The following TAPT1 variants were observed in gnomAD, a reference collection of about 807,000 sequenced individuals.
The protein encoded by TAPT1 is transmembrane anterior posterior transformation protein 1 homolog.
Under a neutral mutation model 65.6 loss-of-function variants are expected in TAPT1, and 28 were observed. That is an observed-to-expected ratio of 0.43 (90% confidence interval 0.32 to 0.59). The LOEUF (loss-of-function observed/expected upper bound fraction) is 0.59, where lower values mean the gene tolerates loss of function less well. TAPT1 is among the 20% of genes least tolerant of loss of function. The pLI is 0.09. For synonymous variants in TAPT1, 278 were observed against 245.2 expected (o/e 1.13, Z -1.25); for missense variants, 563 against 679.9 (o/e 0.83, Z 1.91).
chr4:16,206,514 G>C (rs1750354310), intron 2 of TAPT1, among the ~76,000 whole-genome samples: 1 of 152,026 alleles, frequency 6.6e-6, no homozygotes, highest in East Asian at 1.9e-4. Context: ...AGGGTCCCAG[G>C]GCAAGACTGA....
chr4:16,219,784 A>G (rs1393457327), intron 1 of TAPT1, among the ~76,000 whole-genome samples: 2 of 152,190 alleles, frequency 1.3e-5, no homozygotes, highest in East Asian at 3.8e-4. Flanking sequence ...CCATTTTCAT[A>G]TTATGAAAAA....
chr4:16,223,982 T>C (rs1382264400), intron 1 of TAPT1, among the ~76,000 whole-genome samples: 2 of 152,060 alleles, frequency 1.3e-5, no homozygotes, highest in Non-Finnish European at 2.9e-5. Flanking sequence ...ACCAAGACAC[T>C]AAGATTATGA....
intron 1 of TAPT1, among the ~76,000 whole-genome samples, chr4:16,224,615 C>CA (rs1751443068): frequency 6.6e-6 from 1 of 152,142 alleles, no homozygotes; most frequent in African/African-American, 2.4e-5. Context: ...GGGGAAAGAA[C>CA]AAGGACTACC....
At chr4:16,173,924 T>C (rs1054137601) in intron 11 of TAPT1, among the ~76,000 whole-genome samples, 1 of 152,218 alleles carries the variant, frequency 6.6e-6, no homozygotes, top group Non-Finnish European at 1.5e-5. Flanking sequence ...CATTAAAAAA[T>C]GTTTTTTACT....
intron 7 of TAPT1, 145 bp from the exon 8 acceptor site, chr4:16,179,802 ATGTGTG>A (rs56086979): frequency 7.3e-4 from 226 of 309,646 alleles, no homozygotes; most frequent in Middle Eastern, 1.8e-3. Flanking sequence ...ATATATATAT[ATGTGTG>A]TGTGTGTGTG....
chr4:16,215,414 C>T (rs576967344), intron 1 of TAPT1, among the ~76,000 whole-genome samples: 113 of 152,234 alleles, frequency 7.4e-4, no homozygotes, highest in Non-Finnish European at 1.1e-3. Flanking sequence ...AGCATTAAAA[C>T]GGATTCCTGG....
intron 7 of TAPT1, among the ~76,000 whole-genome samples, chr4:16,181,759 G>C (rs1748725090): frequency 6.6e-6 from 1 of 152,112 alleles, no homozygotes; most frequent in Admixed American, 6.5e-5. Flanking sequence ...GCAGAGACAG[G>C]GTTTCACCAT....
At chr4:16,170,567 G>A in intron 12 of TAPT1, 86 bp downstream of exon 12, 1 of 923,420 alleles carries the variant, frequency 1.1e-6, no homozygotes, top group Non-Finnish European at 1.7e-6. Context: ...ACTGGGAGTA[G>A]TATGATTGGG....
intron 5 of TAPT1, among the ~76,000 whole-genome samples, 187 bp from the exon 6 acceptor site, chr4:16,187,065 C>T (rs190153687): frequency 1.3e-5 from 2 of 152,286 alleles, no homozygotes; most frequent in East Asian, 3.9e-4. Flanking sequence ...GTGCAATCCA[C>T]ATGAAACGAA....
intron 1 of TAPT1, chr4:16,216,043 G>C (rs1275646728): frequency 2.0e-5 from 3 of 152,146 alleles, no homozygotes; most frequent in Admixed American, 6.5e-5. Context: ...AGAAAGCAGA[G>C]GAGATTCCAC....
chr4:16,182,929 A>G (rs1030700894), intron 7 of TAPT1: 1 of 152,234 alleles, frequency 6.6e-6, no homozygotes, highest in Non-Finnish European at 1.5e-5. Context: ...GAAGTCTTCT[A>G]TATTAAACCA....
At chr4:16,211,057 C>A (rs1374141969) in intron 2 of TAPT1, among the ~76,000 whole-genome samples, 1 of 149,850 alleles carries the variant, frequency 6.7e-6, no homozygotes. Flanking sequence ...TTTTTTTTCA[C>A]ATTAGTAAAC....
At chr4:16,176,049 T>G in intron 9 of TAPT1, 70 bp downstream of exon 9, 7 of 728,896 alleles carry the variant, frequency 9.6e-6, no homozygotes, top group African/African-American at 1.8e-5. Context: ...ACTCCTATTA[T>G]TCTACAACTT....
At chr4:16,197,746 C>G (rs897226400) in intron 3 of TAPT1, among the ~76,000 whole-genome samples, 4 of 152,122 alleles carry the variant, frequency 2.6e-5, no homozygotes, top group Non-Finnish European at 5.9e-5. Context: ...TATCCTCGTT[C>G]AAGAAGTTTC....
In TAPT1 at chr4:16,188,425, T is replaced by C. The variant is rs549269401; in HGVS notation, c.613-70A>G. On this transcript the variant is annotated intron_variant, in intron 4 of 13. Coordinates refer to ENST00000405303, the MANE Select transcript of TAPT1 (RefSeq NM_153365.3). Reference sequence around the variant, plus strand: ...TAAATATATAACTAAAATTGAGATATAGCTCAAATCCTGGAGATCTGTGTT... The same window carrying C: ...TAAATATATAACTAAAATTGAGATACAGCTCAAATCCTGGAGATCTGTGTT... 1.1e-5 allele frequency: 13 copies of C among 1,235,762 alleles called. No individual in the cohort carries two copies. In the Admixed American group the frequency reaches 1.5e-4, roughly 14 times the overall value. 76.5% of individuals were successfully genotyped at this position (1,235,762 alleles called of 1,614,324 possible).
At chr4:16,204,080 T>C (rs1750196950) in intron 2 of TAPT1, among the ~76,000 whole-genome samples, 2 of 152,190 alleles carry the variant, frequency 1.3e-5, no homozygotes, top group Admixed American at 6.5e-5. Flanking sequence ...TCCATATAGA[T>C]AGAGTTCATG....
intron 2 of TAPT1, among the ~76,000 whole-genome samples, chr4:16,213,019 T>A (rs1750733676): frequency 6.6e-6 from 1 of 152,236 alleles, no homozygotes; most frequent in Non-Finnish European, 1.5e-5. Flanking sequence ...ACAGAAAGTA[T>A]GATTCTAAGA....
chr4:16,179,714 T>C (rs1748589198), intron 7 of TAPT1, 57 bp from the exon 8 acceptor site: 1 of 844,070 alleles, frequency 1.2e-6, no homozygotes. Flanking sequence ...CATAATAAAG[T>C]ACATATATAA....
At chr4:16,166,035 C>T (rs1187804950) in intron 13 of TAPT1, among the ~76,000 whole-genome samples, 2 of 152,234 alleles carry the variant, frequency 1.3e-5, no homozygotes, top group African/African-American at 2.4e-5. Flanking sequence ...CCAAGACCCC[C>T]TCTCCAGTCC....
Sources: gnomAD v4.1 joint callset for allele counts (sites outside exome capture counted in the v4.1 genomes callset) on GRCh38, gnomAD v4.1.1 for gene constraint, MANE v1.5 for transcripts, NCBI Gene and HGNC (gene_info 2026-07-23, HGNC 2026-07-21) for gene names.